Variants in RNF216 observed in about 807,000 individuals in gnomAD.
RNF216 encodes E3 ubiquitin-protein ligase RNF216.
Under a neutral mutation model 110.8 loss-of-function variants are expected in RNF216, and 72 were observed. The observed-to-expected ratio is 0.65, with a 90% CI of 0.54 to 0.79. The LOEUF (loss-of-function observed/expected upper bound fraction) is 0.79. Among genes scored for constraint, RNF216 ranks in the 30% least tolerant of loss-of-function variants. RNF216 has a pLI of 0.00. For synonymous variants in RNF216, 495 were observed against 407.5 expected (o/e 1.21, Z -2.59); for missense variants, 1,342 against 1,141.2 (o/e 1.18, Z -2.54).
At chr7:5,652,700 T>C (rs1360399162) in intron 13 of RNF216, among the ~76,000 whole-genome samples, 190 bp from the exon 14 acceptor site, 3 of 152,130 alleles carry the variant, frequency 2.0e-5, no homozygotes, top group Non-Finnish European at 4.4e-5. Context: ...TAGGGCTAGG[T>C]GGCTGACGCC....
chr7:5,711,736 T>G, intron 13 of RNF216, 25 bp downstream of exon 13: 1 of 1,594,928 alleles, frequency 6.3e-7, no homozygotes, highest in Non-Finnish European at 8.6e-7. Context: ...TCAATATACA[T>G]CTAGAAAAAA....
intron 1 of RNF216, chr7:5,766,836 A>C (rs946386691): frequency 6.6e-6 from 1 of 152,242 alleles, no homozygotes; most frequent in Non-Finnish European, 1.5e-5. Flanking sequence ...TAAAAGGTGA[A>C]ACTAAAATTC....
chr7:5,755,178 A>AAAGGAAG (rs1398200969), intron 2 of RNF216, among the ~76,000 whole-genome samples: 1 of 145,656 alleles, frequency 6.9e-6, no homozygotes, highest in African/African-American at 2.5e-5. Flanking sequence ...GAAAGAGAGG[A>AAAGGAAG]AAGGAAGAAG....
chr7:5,774,811 T>G (rs529468768), intron 1 of RNF216, among the ~76,000 whole-genome samples: 1 of 151,762 alleles, frequency 6.6e-6, no homozygotes. Context: ...CAGGCTGGAG[T>G]GCAATGGTGC....
At position 5,719,477 on chromosome 7, in the gene RNF216, G is replaced by C. The variant is rs187892768; in HGVS notation, c.1644+1556C>G. Among the ~76,000 whole-genome samples the C allele has an allele frequency of 1.6e-4, 24 of 152,318 alleles. No individual in the cohort carries two copies. The Middle Eastern group carries it at 0.01, about 65-fold the overall frequency. On this transcript the variant is annotated intron_variant, in intron 9 of 16. Transcript: ENST00000389902. Reference sequence around the variant, plus strand: ...CGGGGTCATTTGGCTGTGCCCAAAAGCAAAGATGTTGTCAGAGACTACAGG... The same window carrying C: ...CGGGGTCATTTGGCTGTGCCCAAAACCAAAGATGTTGTCAGAGACTACAGG...
At chr7:5,739,465 T>C in intron 4 of RNF216, 113 bp from the exon 5 acceptor site, 1 of 1,044,032 alleles carries the variant, frequency 9.6e-7, no homozygotes. Flanking sequence ...AGAAAAGGGC[T>C]GTGAAGCAGG....
rs750173731 is a variant in RNF216, at chr7:5,623,103, C to A, written c.2529G>T (p.Arg843Ser). The A allele has an allele frequency of 3.1e-6, 5 of 1,608,664 alleles. No homozygotes were observed. The highest frequency in any genetic ancestry group is 2.2e-5 in the East Asian group (1 of 44,732). ...GCTGTGGCAGGTTCTGCGGAACGGGCCTCGGGAGGGCCTCCACCCTCTGCA... is the reference window on the plus strand; with the variant it reads ...GCTGTGGCAGGTTCTGCGGAACGGGACTCGGGAGGGCCTCCACCCTCTGCA... ...EKVQRVEALP[R>S]PVPQNLPQPQ... is the part of the protein sequence containing the mutation. The change falls in exon 17 of 17, where the codon AGG becomes AGT. Residue 843 changes from arginine to serine, a missense_variant. Coordinates refer to ENST00000389902, the MANE Select transcript of RNF216 (RefSeq NM_207111.4).
chr7:5,753,839 A>G (rs1375149659), intron 2 of RNF216, among the ~76,000 whole-genome samples: 15 of 152,168 alleles, frequency 9.9e-5, no homozygotes. Flanking sequence ...TACTAAAAAT[A>G]CAAAAATTAG....
chr7:5,683,967 G>A (rs55690035), intron 13 of RNF216, among the ~76,000 whole-genome samples: 3,539 of 152,172 alleles, frequency 0.023, 62 homozygotes, highest in Non-Finnish European at 0.038. Flanking sequence ...CTAAGTTAAG[G>A]GCAAGATCCA....
chr7:5,739,798 C>G (rs1008468607), intron 4 of RNF216, among the ~76,000 whole-genome samples: 26 of 151,972 alleles, frequency 1.7e-4, no homozygotes, highest in Non-Finnish European at 3.4e-4. Flanking sequence ...GTCAGGAGTT[C>G]AAAACCAGCC....
intron 1 of RNF216, among the ~76,000 whole-genome samples, chr7:5,770,985 G>T (rs1366634765): frequency 1.3e-5 from 2 of 151,906 alleles, no homozygotes; most frequent in Non-Finnish European, 2.9e-5. Context: ...TTTTTGTATT[G>T]TTAGTAGAGA....
At chr7:5,665,331 C>T (rs1321233850) in intron 13 of RNF216, among the ~76,000 whole-genome samples, 1 of 152,156 alleles carries the variant, frequency 6.6e-6, no homozygotes, top group East Asian at 1.9e-4. Context: ...CCACCTCACT[C>T]CCTAGTCCTG....
At position 5,711,815 on chromosome 7, in the gene RNF216, A is replaced by G; in HGVS notation, c.2007T>C (p.Ala669=). The change falls in exon 13 of 17, where the codon GCT becomes GCC. Residue 669 remains alanine, a synonymous_variant. Coordinates refer to ENST00000389902, the MANE Select transcript of RNF216 (RefSeq NM_207111.4). ...ACCTCTTCACATCACTGTCCAACAG[A>G]GCCGGAAAGCTACAGGACGGGCACC... is the stretch of plus-strand genomic sequence containing the variant. ...LVRCPSCSFP[A]LLDSDVKRFS... 6.2e-7 allele frequency: 1 copy of G among 1,614,054 alleles called. No homozygotes were observed. Among genetic ancestry groups the G allele is most frequent in the Non-Finnish European group, 8.5e-7 (1 of 1,179,972 alleles).
chr7:5,764,203 A>C (rs1424986647), intron 1 of RNF216, among the ~76,000 whole-genome samples: 1 of 149,090 alleles, frequency 6.7e-6, no homozygotes, highest in Non-Finnish European at 1.5e-5. Flanking sequence ...CAAAAGAATA[A>C]ACTAATTAAA....
intron 13 of RNF216, among the ~76,000 whole-genome samples, chr7:5,708,736 TGC>T (rs1340565928): frequency 6.6e-6 from 1 of 152,228 alleles, no homozygotes; most frequent in Non-Finnish European, 1.5e-5. Flanking sequence ...TGCTGTAAGC[TGC>T]CCAGCTCTTT....
At chr7:5,730,873 T>C (rs1427064467) in intron 5 of RNF216, 56 bp from the exon 6 acceptor site, 19 of 1,577,516 alleles carry the variant, frequency 1.2e-5, no homozygotes, top group Admixed American at 1.8e-5. Context: ...CACCTGCCCA[T>C]TGCTTCAAAT....
intron 13 of RNF216, among the ~76,000 whole-genome samples, chr7:5,701,047 GAGA>G (rs1273356707): frequency 6.6e-6 from 1 of 152,110 alleles, no homozygotes; most frequent in African/African-American, 2.4e-5. Context: ...TGAAACCTGA[GAGA>G]AGGAGCACAG....
At chr7:5,751,335 G>A (rs1795318242) in intron 3 of RNF216, among the ~76,000 whole-genome samples, 2 of 152,098 alleles carry the variant, frequency 1.3e-5, no homozygotes, top group African/African-American at 4.8e-5. Flanking sequence ...AAAAAGGGAG[G>A]AATTGTTAAA....
At chr7:5,780,863 G>A (rs1284822769) in intron 1 of RNF216, among the ~76,000 whole-genome samples, 1 of 152,232 alleles carries the variant, frequency 6.6e-6, no homozygotes, top group Admixed American at 6.5e-5. Context: ...CACGCTCCAG[G>A]GTTGGTTGCA....
Sources: gnomAD v4.1 joint callset for allele counts (sites outside exome capture counted in the v4.1 genomes callset) on GRCh38, gnomAD v4.1.1 for gene constraint, MANE v1.5 for transcripts, NCBI Gene and HGNC (gene_info 2026-07-23, HGNC 2026-07-21) for gene names.